TEX47: variants seen among roughly 807,000 people sequenced by gnomAD.
TEX47 encodes the protein testis-expressed protein 47.
TEX47 carries 18 observed loss-of-function variants against 18.0 expected under a neutral mutation model. The ratio of observed to expected loss-of-function variants is 1.00; its 90% CI spans 0.69 to 1.48. The LOEUF is 1.48. TEX47 is among the 40% of genes most tolerant of loss of function. TEX47 has a pLI of 0.00. For missense variants in TEX47, 303 were observed against 300.2 expected (o/e 1.01, Z -0.07); for synonymous variants, 98 against 109.4 (o/e 0.90, Z 0.65).
Position 88,795,382 on chromosome 7 carries a change from T to G in TEX47, c.-105+258A>C, listed in dbSNP as rs150418943. 2.1e-3 allele frequency among the ~76,000 whole-genome samples: 318 copies of G among 152,246 alleles called. 2 individuals carry two copies. The highest frequency in any genetic ancestry group is 7.4e-3 in the African/African-American group (308 of 41,566). ...AAAAAATCCAAGGCTTTTTAAGTCC[T>G]AATTAGCTTATGTAACCTTTAGTCA... On this transcript the variant is annotated intron_variant, in intron 1 of 1. Transcript: ENST00000297203.
Position 88,794,966 on chromosome 7 carries a change from G to T in TEX47, c.-24C>A. The T allele has an allele frequency of 6.6e-7, 1 of 1,526,496 alleles. No homozygotes were observed. The highest frequency in any genetic ancestry group is 8.8e-7 in the Non-Finnish European group (1 of 1,142,482). 94.6% of individuals were successfully genotyped at this position (1,526,496 alleles called of 1,614,324 possible). On this transcript the variant is annotated 5_prime_UTR_variant, in exon 2 of 2. The change creates a new upstream start codon in the 5' untranslated region. Coordinates refer to ENST00000297203, the MANE Select transcript of TEX47 (RefSeq NM_152706.4). ...ATGAGGAGTCTTATTTATTTTTCCA[G>T]ATGATTCCAGCTTTTAGCTTATCAT...
In TEX47 at chr7:88,794,159, G is replaced by C; in HGVS notation, c.*22C>G. The C allele has an allele frequency of 6.4e-7, 1 of 1,567,892 alleles. No homozygotes were observed. Among genetic ancestry groups the C allele is most frequent in the Non-Finnish European group, 8.6e-7 (1 of 1,156,536 alleles). ...GTAGCACAAACTCCTTAAGAGACAT[G>C]GGCACATTATCCCTCTCAATCCTAG... On this transcript the variant is annotated 3_prime_UTR_variant, in exon 2 of 2. Transcript: ENST00000297203.
In TEX47 at chr7:88,794,801, CAAG is replaced by C. The variant is rs778078446; in HGVS notation, c.139_141del (p.Leu47del). On this transcript the variant is annotated inframe_deletion, in exon 2 of 2. Transcript: ENST00000297203. The stretch of plus-strand genomic sequence containing the variant: ...ATCTTGGCCACTAGAAACATCCTAT[CAAG>C]AAGGAATTTCTTTAGGTGTAGTCGT... The C allele has an allele frequency of 3.1e-6, 5 of 1,613,582 alleles. No homozygotes were observed. The highest frequency in any genetic ancestry group is 4.2e-6 in the Non-Finnish European group (5 of 1,179,752).
chr7:88,794,948 G>T lies in TEX47; in HGVS notation c.-6C>A. The T allele has an allele frequency of 6.5e-7, 1 of 1,543,492 alleles. No individual in the cohort carries two copies. The highest frequency in any genetic ancestry group is 8.7e-7 in the Non-Finnish European group (1 of 1,151,442). On this transcript the variant is annotated 5_prime_UTR_variant, in exon 2 of 2. Transcript: ENST00000297203. Reference sequence around the variant, plus strand: ...TTATGGACCGAAAAGGACATGAGGAGTCTTATTTATTTTTCCAGATGATTC... The same window carrying T: ...TTATGGACCGAAAAGGACATGAGGATTCTTATTTATTTTTCCAGATGATTC...
intron 1 of TEX47, 68 bp from the exon 2 acceptor site, chr7:88,795,114 T>C: frequency 2.0e-6 from 1 of 498,158 alleles, no homozygotes; most frequent in Non-Finnish European, 3.4e-6. Context: ...CCCAATCTTT[T>C]GCCAGTTTTA....
Position 88,794,170 on chromosome 7 carries a change from C to A in TEX47, c.*11G>T. ...TCCTTAAGAGACATGGGCACATTATCCCTCTCAATCCTAGAAACGTGAAGG... is the reference window on the plus strand; with the variant it reads ...TCCTTAAGAGACATGGGCACATTATACCTCTCAATCCTAGAAACGTGAAGG... On this transcript the variant is annotated 3_prime_UTR_variant, in exon 2 of 2. Transcript: ENST00000297203. The A allele has an allele frequency of 1.3e-6, 2 of 1,585,216 alleles. No homozygotes were observed. Among genetic ancestry groups the A allele is most frequent in the Non-Finnish European group, 1.7e-6 (2 of 1,163,976 alleles).
In TEX47 at chr7:88,794,801, C is replaced by G. The variant is rs2373396; in HGVS notation, c.142G>C (p.Asp48His). The G allele has an allele frequency of 0.15, 236,751 of 1,613,358 alleles. 18,049 individuals are homozygous for G. The highest frequency in any genetic ancestry group is 0.21 in the African/African-American group (15,837 of 74,946). ...ATCTTGGCCACTAGAAACATCCTATCAAGAAGGAATTTCTTTAGGTGTAGT... is the reference window on the plus strand; with the variant it reads ...ATCTTGGCCACTAGAAACATCCTATGAAGAAGGAATTTCTTTAGGTGTAGT... ...QRLHLKKFLL[D>H]RMFLVAKIQA... The change falls in exon 2 of 2, where the codon GAT becomes CAT. Residue 48 changes from aspartate to histidine, a missense_variant. Physicochemically the swap from Asp to His is moderately conservative, Grantham distance 81. Transcript: ENST00000297203.
At position 88,794,260 on chromosome 7, in the gene TEX47, G is replaced by T; in HGVS notation, c.683C>A (p.Thr228Lys). 1 of 1,613,708 alleles carries T rather than the reference G, an allele frequency of 6.2e-7. No homozygotes were observed. Residue 228 changes from threonine (T) to lysine (K), a missense_variant, in exon 2 of 2, where the codon ACA (threonine) becomes AAA (lysine). Coordinates refer to ENST00000297203, the MANE Select transcript of TEX47 (RefSeq NM_152706.4). ...CKSEEFMDPA[T>K]FINMYNRPIH... ...GGGTCTATTATACATGTTTATAAATGTTGCCGGGTCCATGAATTCTTCGGA... is the reference window on the plus strand; with the variant it reads ...GGGTCTATTATACATGTTTATAAATTTTGCCGGGTCCATGAATTCTTCGGA...
In TEX47 at chr7:88,794,330, G is replaced by T; in HGVS notation, c.613C>A (p.Pro205Thr). The T allele has an allele frequency of 6.2e-7, 1 of 1,613,876 alleles. No homozygotes were observed. The highest frequency in any genetic ancestry group is 8.5e-7 in the Non-Finnish European group (1 of 1,179,900). The change falls in exon 2 of 2, where the codon CCT (proline) becomes ACT (threonine). Residue 205 changes from proline to threonine, a missense_variant. Physicochemically the swap from Pro to Thr is conservative, Grantham distance 38. Coordinates refer to ENST00000297203, the MANE Select transcript of TEX47 (RefSeq NM_152706.4). ...GPGDNLHQVAPDLLLPEQIIK... is the reference protein window; with the variant it reads ...GPGDNLHQVATDLLLPEQIIK... Reference sequence around the variant, plus strand: ...ATTTGTTCTGGGAGGAGTAGGTCAGGTGCAACTTGGTGTAAGTTATCGCCT... The same window carrying T: ...ATTTGTTCTGGGAGGAGTAGGTCAGTTGCAACTTGGTGTAAGTTATCGCCT...
In TEX47 at chr7:88,794,113, A is replaced by C; in HGVS notation, c.*68T>G. On this transcript the variant is annotated 3_prime_UTR_variant, in exon 2 of 2. Transcript: ENST00000297203. ...TCTTTTAAAAGACACCAGTAACTTT[A>C]AAAATGTTTTTTTTATTTAAGTAGC... The C allele has an allele frequency of 7.5e-7, 1 of 1,327,648 alleles. No individual in the cohort carries two copies. Among genetic ancestry groups the C allele is most frequent in the South Asian group, 1.6e-5 (1 of 63,570 alleles). The allele number at this position is 1,327,648 out of a possible 1,614,324, so 82.2% of individuals were successfully genotyped here.
chr7:88,794,919 C>A lies in TEX47; in HGVS notation c.24G>T (p.Gln8His), dbSNP rs1324294142. 1.3e-6 allele frequency: 2 copies of A among 1,599,544 alleles called. No homozygotes were observed. The highest frequency in any genetic ancestry group is 1.7e-6 in the Non-Finnish European group (2 of 1,175,606). The change falls in exon 2 of 2, where the codon CAG becomes CAT. Residue 8 changes from glutamine to histidine, a missense_variant. By Grantham distance (24) the Gln-to-His change is conservative. Coordinates refer to ENST00000297203, the MANE Select transcript of TEX47 (RefSeq NM_152706.4). Reference sequence around the variant, plus strand: ...GTGGCAAAGGCCTTTTGCTGCCCTTCTGGTTATGGACCGAAAAGGACATGA... The same window carrying A: ...GTGGCAAAGGCCTTTTGCTGCCCTTATGGTTATGGACCGAAAAGGACATGA... MSFSVHN[Q>H]KGSKRPLPLE...
Position 88,794,661 on chromosome 7 carries a change from A to C in TEX47, c.282T>G (p.Thr94=). 6.2e-7 allele frequency: 1 copy of C among 1,613,850 alleles called. No individual in the cohort carries two copies. The highest frequency in any genetic ancestry group is 8.5e-7 in the Non-Finnish European group (1 of 1,179,850). The change falls in exon 2 of 2, where the codon ACT becomes ACG. Residue 94 remains threonine (T), a synonymous_variant. Coordinates refer to ENST00000297203, the MANE Select transcript of TEX47 (RefSeq NM_152706.4). Reference sequence around the variant, plus strand: ...AGGACTCGAGGATATGCAGAATGGAAGTGGGATAGATGAGCAGCAATCCTG... The same window carrying C: ...AGGACTCGAGGATATGCAGAATGGACGTGGGATAGATGAGCAGCAATCCTG... ...AVTGLLLIYP[T]SILHILESSS... is the part of the protein sequence containing the mutation.
intron 1 of TEX47, among the ~76,000 whole-genome samples, chr7:88,795,339 T>G (rs191993136): frequency 7.9e-5 from 12 of 151,584 alleles, no homozygotes; most frequent in African/African-American, 2.9e-4. Context: ...CAAATCTAAC[T>G]GATCTATAAC....
Position 88,794,455 on chromosome 7 carries a change from T to G in TEX47, c.488A>C (p.Gln163Pro), listed in dbSNP as rs747327078. The G allele has an allele frequency of 5.6e-6, 9 of 1,613,818 alleles. No homozygotes were observed. Among genetic ancestry groups the G allele is most frequent in the Non-Finnish European group, 7.6e-6 (9 of 1,179,864 alleles). Residue 163 changes from glutamine to proline, a missense_variant, in exon 2 of 2, where the codon CAG (glutamine) becomes CCG (proline). Physicochemically the swap from Gln to Pro is moderately conservative, Grantham distance 76. Transcript: ENST00000297203. ...GATGACCTCCTTTAGGGACTGTGAC[T>G]GTGTCACATCGTCGAGATACATAAC... is the stretch of plus-strand genomic sequence containing the variant. ...VPVMYLDDVT[Q>P]SQSLKEVITD...
intron 1 of TEX47, 120 bp from the exon 2 acceptor site, chr7:88,795,166 AATACTCAAACT>A: frequency 2.5e-6 from 1 of 393,418 alleles, no homozygotes; most frequent in Non-Finnish European, 4.5e-6. Context: ...ATGTTAAAAC[AATACTCAAACT>A]ATAGACTTTT....
chr7:88,794,650 T>C lies in TEX47; in HGVS notation c.293A>G (p.His98Arg), dbSNP rs755441652. ...LLLIYPTSIL[H>R]ILESSSDTLY... Reference sequence around the variant, plus strand: ...AGTGTCGCTGGAGGACTCGAGGATATGCAGAATGGAAGTGGGATAGATGAG... The same window carrying C: ...AGTGTCGCTGGAGGACTCGAGGATACGCAGAATGGAAGTGGGATAGATGAG... Residue 98 changes from histidine (H) to arginine (R), a missense_variant, in exon 2 of 2, where the codon CAT (histidine) becomes CGT (arginine). By Grantham distance (29) the His-to-Arg change is conservative. Transcript: ENST00000297203. The C allele has an allele frequency of 1.9e-6, 3 of 1,613,700 alleles. No homozygotes were observed. The highest frequency in any genetic ancestry group is 1.3e-5 in the African/African-American group (1 of 74,912).
At position 88,794,608 on chromosome 7, in the gene TEX47, A is replaced by C. The variant is rs763858589; in HGVS notation, c.335T>G (p.Leu112Ter). The C allele has an allele frequency of 2.5e-6, 4 of 1,613,576 alleles. No homozygotes were observed. The South Asian group carries it at 3.3e-5, about 13-fold the overall frequency. Residue 112 changes from leucine to a stop codon, truncating the protein, a stop_gained, in exon 2 of 2, where the codon TTA becomes TGA. Coordinates refer to ENST00000297203, the MANE Select transcript of TEX47 (RefSeq NM_152706.4). LOFTEE classifies it high-confidence loss of function. ...ATCTTTGACATGGCCAATATAATCT[A>C]AAAGAACTTTGTAGAGAGTGTCGCT... ...SSSDTLYKVL[L>*]DYIGHVKDET...
chr7:88,794,295 G>T lies in TEX47; in HGVS notation c.648C>A (p.Tyr216Ter). 6.2e-7 allele frequency: 1 copy of T among 1,613,806 alleles called. No individual in the cohort carries two copies. Among genetic ancestry groups the T allele is most frequent in the Non-Finnish European group, 8.5e-7 (1 of 1,179,870 alleles). ...DLLLPEQIIK[Y>*]LCKSEEFMDP... is the part of the protein sequence containing the mutation. Reference sequence around the variant, plus strand: ...CCATGAATTCTTCGGATTTGCACAAGTACTTTATGATTTGTTCTGGGAGGA... The same window carrying T: ...CCATGAATTCTTCGGATTTGCACAATTACTTTATGATTTGTTCTGGGAGGA... The change falls in exon 2 of 2, where the codon TAC becomes TAA. Residue 216 changes from tyrosine to a stop codon, truncating the protein, a stop_gained. Transcript: ENST00000297203. LOFTEE classifies it high-confidence loss of function.
chr7:88,795,392 A>G (rs1790464529), intron 1 of TEX47, among the ~76,000 whole-genome samples: 1 of 152,110 alleles, frequency 6.6e-6, no homozygotes, highest in Admixed American at 6.6e-5. Flanking sequence ...TAATTAGCTT[A>G]TGTAACCTTT....
Sources: allele counts gnomAD v4.1 joint callset (sites outside exome capture counted in the v4.1 genomes callset), GRCh38; gene constraint gnomAD v4.1.1; transcripts MANE v1.5; gene names NCBI Gene and HGNC (gene_info 2026-07-23, HGNC 2026-07-21).